The following COL25A1 variants were observed in gnomAD, a reference collection of about 807,000 sequenced individuals.
COL25A1 encodes collagen type XXV alpha 1 chain, also known as collagen alpha-1(XXV) chain.
In COL25A1, 103 loss-of-function variants were observed where a neutral mutation model predicts 128.4. That is an observed-to-expected ratio of 0.80 (90% confidence interval 0.68 to 0.94). The LOEUF is 0.94. Ranked by LOEUF, COL25A1 falls within the 40% of genes least tolerant of loss-of-function variation. COL25A1 has a pLI of 0.00. For synonymous variants in COL25A1, 279 were observed against 277.2 expected (o/e 1.01, Z -0.06); for missense variants, 745 against 840.0 (o/e 0.89, Z 1.40).
chr4:109,215,840 C>G (rs1160312301), intron 3 of COL25A1, among the ~76,000 whole-genome samples: 3 of 152,120 alleles, frequency 2.0e-5, no homozygotes, highest in African/African-American at 4.8e-5. Context: ...CTCCTCAAAG[C>G]GATCTTTTCT....
intron 3 of COL25A1, among the ~76,000 whole-genome samples, chr4:109,165,319 C>T (rs1021526175): frequency 2.0e-5 from 3 of 152,006 alleles, no homozygotes; most frequent in Non-Finnish European, 2.9e-5. Context: ...AATCAGTTAT[C>T]GGGGTCATCT....
In COL25A1 at chr4:108,813,095, G is replaced by A. The variant is rs1730929696; in HGVS notation, c.*832C>T. 1 of 152,260 alleles carries A rather than the reference G, an allele frequency of 6.6e-6. No individual in the cohort carries two copies. 9.4% of individuals were successfully genotyped at this position (152,260 alleles called of 1,614,324 possible). On this transcript the variant is annotated 3_prime_UTR_variant, in exon 38 of 38. Coordinates refer to ENST00000399132, the MANE Select transcript of COL25A1 (RefSeq NM_198721.4). Reference sequence around the variant, plus strand: ...TGGTCACATGAGAGGCAGTGCTGGAGGCTGAATCGGTCCTCTTCCCATGTC... The same window carrying A: ...TGGTCACATGAGAGGCAGTGCTGGAAGCTGAATCGGTCCTCTTCCCATGTC...
rs910404912 is a variant in COL25A1, at chr4:108,810,849, T to C, written c.*3078A>G. 2.0e-5 allele frequency: 3 copies of C among 152,054 alleles called. No homozygotes were observed. Among genetic ancestry groups the C allele is most frequent in the South Asian group, 4.1e-4 (2 of 4,834 alleles). The allele number at this position is 152,054 out of a possible 1,614,324, so 9.4% of individuals were successfully genotyped here. A position where few individuals can be genotyped will look rare whatever the true frequency, so the allele number is the denominator to read the frequency against. ...AAATAACACACTAATGATTTAGGAATGCTATTAAACAGGGAAATAAAATTA... is the reference window on the plus strand; with the variant it reads ...AAATAACACACTAATGATTTAGGAACGCTATTAAACAGGGAAATAAAATTA... On this transcript the variant is annotated 3_prime_UTR_variant, in exon 38 of 38. Coordinates refer to ENST00000399132, the MANE Select transcript of COL25A1 (RefSeq NM_198721.4).
chr4:108,819,839 A>G, intron 35 of COL25A1: 1 of 1,231,628 alleles, frequency 8.1e-7, no homozygotes, highest in Non-Finnish European at 1.0e-6. Context: ...CTAATCCAGG[A>G]GCACCCTGTT....
chr4:108,977,732 G>A (rs1166242269), intron 6 of COL25A1, among the ~76,000 whole-genome samples: 2 of 152,184 alleles, frequency 1.3e-5, no homozygotes, highest in Non-Finnish European at 2.9e-5. Flanking sequence ...GAAAGACATA[G>A]TCCCTGTCCT....
chr4:108,967,823 G>A lies in COL25A1; in HGVS notation c.492+6544C>T, dbSNP rs140879782. ...TTTCTTATTCAACCTAGGAATCCCCGACAACTTCCTTTCAGCAGGTTGTGT... is the reference window on the plus strand; with the variant it reads ...TTTCTTATTCAACCTAGGAATCCCCAACAACTTCCTTTCAGCAGGTTGTGT... On this transcript the variant is annotated intron_variant, in intron 8 of 37. Transcript: ENST00000399132. 1.5e-4 allele frequency among the ~76,000 whole-genome samples: 23 copies of A among 152,184 alleles called. No individual in the cohort carries two copies. The East Asian group carries it at 4.1e-3, about 27-fold the overall frequency.
intron 3 of COL25A1, among the ~76,000 whole-genome samples, chr4:109,060,428 C>G (rs1761859722): frequency 6.6e-6 from 1 of 152,116 alleles, no homozygotes; most frequent in African/African-American, 2.4e-5. Flanking sequence ...ATGTCAGACC[C>G]TAACAGTATC....
chr4:108,822,747 C>T (rs903546749), intron 35 of COL25A1, among the ~76,000 whole-genome samples: 1 of 152,156 alleles, frequency 6.6e-6, no homozygotes, highest in African/African-American at 2.4e-5. Context: ...TTAAAACACA[C>T]TCATCTTGGG....
chr4:108,958,072 G>A (rs1229697510), intron 8 of COL25A1, among the ~76,000 whole-genome samples: 3 of 151,822 alleles, frequency 2.0e-5, no homozygotes, highest in East Asian at 3.9e-4. Context: ...ACTTTTGGAC[G>A]ATCTCATTAA....
intron 15 of COL25A1, among the ~76,000 whole-genome samples, chr4:108,898,304 C>T (rs1742386079): frequency 6.6e-6 from 1 of 151,932 alleles, no homozygotes; most frequent in Non-Finnish European, 1.5e-5. Context: ...TTGAAAAATA[C>T]AGTTATAATT....
intron 3 of COL25A1, among the ~76,000 whole-genome samples, chr4:109,151,565 A>T (rs1044043108): frequency 2.6e-5 from 4 of 152,162 alleles, no homozygotes; most frequent in Non-Finnish European, 4.4e-5. Flanking sequence ...AAAGTCCAGT[A>T]GCAGCATTAA....
chr4:109,039,190 C>G (rs1006048602), intron 5 of COL25A1, among the ~76,000 whole-genome samples: 1 of 152,038 alleles, frequency 6.6e-6, no homozygotes, highest in African/African-American at 2.4e-5. Context: ...CCCATTTGTC[C>G]TCCTCCTTGT....
At chr4:108,942,417 T>C in intron 8 of COL25A1, 4 of 672,402 alleles carry the variant, frequency 5.9e-6, no homozygotes, top group Middle Eastern at 2.5e-4. Flanking sequence ...TAAACAAAAT[T>C]AGACACATAA....
At chr4:109,260,850 G>GAAA (rs369700003) in intron 3 of COL25A1, among the ~76,000 whole-genome samples, 5 of 150,734 alleles carry the variant, frequency 3.3e-5, no homozygotes, top group African/African-American at 1.2e-4. Flanking sequence ...CAATCAGGAG[G>GAAA]AAAAAAAACA....
At chr4:109,139,947 G>GT (rs1460602621) in intron 3 of COL25A1, among the ~76,000 whole-genome samples, 1 of 151,690 alleles carries the variant, frequency 6.6e-6, no homozygotes, top group East Asian at 1.9e-4. Context: ...CCTTGTGATA[G>GT]TTTGCCGAGA....
At position 109,052,160 on chromosome 4, in the gene COL25A1, T is replaced by A. The variant is rs573702814; in HGVS notation, c.368-1981A>T. On this transcript the variant is annotated intron_variant, in intron 3 of 37. Coordinates refer to ENST00000399132, the MANE Select transcript of COL25A1 (RefSeq NM_198721.4). ...AAATAAAAACAATAGATTGCACAAA[T>A]GTTTAAGAAATAACTTGAATAAATT... Among the ~76,000 whole-genome samples the A allele has an allele frequency of 5.9e-5, 9 of 152,290 alleles. No individual in the cohort carries two copies. In the South Asian group the frequency reaches 1.9e-3, roughly 32 times the overall value.
chr4:108,908,364 C>T (rs1161068750), intron 13 of COL25A1, among the ~76,000 whole-genome samples: 1 of 152,174 alleles, frequency 6.6e-6, no homozygotes, highest in Non-Finnish European at 1.5e-5. Context: ...TTTCTTCCCT[C>T]CCTCCTAGAA....
At chr4:109,292,633 T>A (rs1724581181) in intron 3 of COL25A1, among the ~76,000 whole-genome samples, 2 of 151,880 alleles carry the variant, frequency 1.3e-5, no homozygotes, top group South Asian at 4.1e-4. Context: ...TGTAAGTATA[T>A]CTATGGGGGT....
At chr4:108,874,878 T>C (rs1739251210) in intron 19 of COL25A1, among the ~76,000 whole-genome samples, 1 of 152,136 alleles carries the variant, frequency 6.6e-6, no homozygotes, top group Admixed American at 6.5e-5. Flanking sequence ...TTTAATCCGT[T>C]TTTTTTCCCC....
Sources: gnomAD v4.1 joint callset for allele counts (sites outside exome capture counted in the v4.1 genomes callset) on GRCh38, gnomAD v4.1.1 for gene constraint, MANE v1.5 for transcripts, NCBI Gene and HGNC (gene_info 2026-07-23, HGNC 2026-07-21) for gene names.